The following DAAM2 variants were observed in gnomAD, a reference collection of about 807,000 sequenced individuals.
The protein encoded by DAAM2 is dishevelled associated activator of morphogenesis 2.
DAAM2 carries 39 observed loss-of-function variants against 120.7 expected under a neutral mutation model. The observed-to-expected ratio is 0.32, with a 90% confidence interval of 0.25 to 0.42. The LOEUF is 0.42. Among genes scored for constraint, DAAM2 ranks in the 10% least tolerant of loss-of-function variants. The pLI, the probability that DAAM2 is intolerant of heterozygous loss-of-function variation, is 1.00. For missense variants in DAAM2, 1,283 were observed against 1,401.7 expected (o/e 0.92, Z 1.35); for synonymous variants, 488 against 524.9 (o/e 0.93, Z 0.96).
At chr6:39,863,511 A>G (rs1408636646) in intron 3 of DAAM2, among the ~76,000 whole-genome samples, 1 of 152,088 alleles carries the variant, frequency 6.6e-6, no homozygotes, top group East Asian at 1.9e-4. Flanking sequence ...GTGTTTTGTC[A>G]GGGAGGGTCT....
intron 1 of DAAM2, among the ~76,000 whole-genome samples, chr6:39,836,404 G>A (rs73428574): frequency 3.5e-4 from 53 of 152,272 alleles, no homozygotes; most frequent in African/African-American, 1.3e-3. Context: ...GCACCACCCT[G>A]GGTGCCTTAT....
Position 39,879,459 on chromosome 6 carries a change from C to T in DAAM2, c.1827C>T (p.Asn609=), listed in dbSNP as rs780760272. ...CTTCTCACCCACTGAAGTCCTTCAACTGGGTGAAGCTGAATGAGGTGAGCA... is the reference window on the plus strand; with the variant it reads ...CTTCTCACCCACTGAAGTCCTTCAATTGGGTGAAGCTGAATGAGGTGAGCA... ...PQPSHPLKSF[N]WVKLNEERVP... Residue 609 remains asparagine, a synonymous_variant, in exon 14 of 25, where the codon AAC becomes AAT. Transcript: ENST00000274867. 1 of 1,614,036 alleles carries T rather than the reference C, an allele frequency of 6.2e-7. No individual in the cohort carries two copies. The highest frequency in any genetic ancestry group is 1.3e-5 in the African/African-American group (1 of 75,066).
chr6:39,846,745 C>T (rs1224903091), intron 1 of DAAM2, among the ~76,000 whole-genome samples: 1 of 151,118 alleles, frequency 6.6e-6, no homozygotes, highest in African/African-American at 2.4e-5. Flanking sequence ...TGCCCCACAT[C>T]CACACTTTAT....
rs371921284 is a variant in DAAM2, at chr6:39,860,955, C to T, written c.196C>T (p.Arg66Ter). Residue 66 changes from arginine (R) to a stop codon, truncating the protein, a stop_gained, in exon 3 of 25, where the codon CGA (arginine) becomes TGA (stop). Coordinates refer to ENST00000274867, the MANE Select transcript of DAAM2 (RefSeq NM_001201427.2). LOFTEE classifies it high-confidence loss of function. ...VDELDLTDKNREAMFALPPEK... is the reference protein window; with the variant it reads ...VDELDLTDKN ...TGAATTGGATCTCACTGACAAAAAC[C>T]GAGAGGCTATGTTTGCACTGCCCCC... 1.2e-6 allele frequency: 2 copies of T among 1,613,254 alleles called. No homozygotes were observed. Among genetic ancestry groups the T allele is most frequent in the Non-Finnish European group, 1.7e-6 (2 of 1,179,646 alleles).
Position 39,900,123 on chromosome 6 carries a change from T to C in DAAM2, c.2726T>C (p.Phe909Ser), listed in dbSNP as rs1382590156. ...CAGGTACGGGAGCCCAGTGACAAGT[T>C]TGTCCCTGTCATGAGCGACTTCATC... ...RRQVREPSDK[F>S]VPVMSDFITV... Residue 909 changes from phenylalanine to serine, a missense_variant, in exon 23 of 25, where the codon TTT (phenylalanine) becomes TCT (serine). Around this residue, in one of 3 missense-constraint regions of DAAM2, gnomAD observed 748 missense variants for 768.6 expected, o/e 0.97. Coordinates refer to ENST00000274867, the MANE Select transcript of DAAM2 (RefSeq NM_001201427.2). The C allele has an allele frequency of 1.9e-6, 3 of 1,601,654 alleles. No homozygotes were observed. The highest frequency in any genetic ancestry group is 1.1e-5 in the South Asian group (1 of 88,476).
In DAAM2 at chr6:39,879,259, C is replaced by T. The variant is rs1765008882; in HGVS notation, c.1627C>T (p.Pro543Ser). Reference protein sequence around the residue: ...SSMTTNDLPPPPPPLPFACCP... With the variant: ...SSMTTNDLPPSPPPLPFACCP... ...AATGACAACCAATGACCTGCCTCCA[C>T]CCCCTCCTCCTCTGCCCTTTGCCTG... The change falls in exon 14 of 25, where the codon CCC (proline) becomes TCC (serine). Residue 543 changes from proline to serine, a missense_variant. Around this residue, in one of 3 missense-constraint regions of DAAM2, gnomAD observed 748 missense variants for 768.6 expected, o/e 0.97. Transcript: ENST00000274867. 1.3e-6 allele frequency: 2 copies of T among 1,533,736 alleles called. No individual in the cohort carries two copies. Among genetic ancestry groups the T allele is most frequent in the East Asian group, 2.4e-5 (1 of 41,198 alleles).
At chr6:39,850,183 G>A (rs1347176117) in intron 1 of DAAM2, among the ~76,000 whole-genome samples, 1 of 152,158 alleles carries the variant, frequency 6.6e-6, no homozygotes. Flanking sequence ...GAAGCCACTG[G>A]TCAGGACTCT....
intron 2 of DAAM2, among the ~76,000 whole-genome samples, chr6:39,859,252 C>T (rs1299993455): frequency 6.6e-6 from 1 of 152,154 alleles, no homozygotes; most frequent in African/African-American, 2.4e-5. Context: ...AGGTAGGACT[C>T]ACTGTGTAAA....
At chr6:39,870,965 T>C (rs141385707) in intron 8 of DAAM2, among the ~76,000 whole-genome samples, 415 of 152,320 alleles carry the variant, frequency 2.7e-3, no homozygotes, top group African/African-American at 9.4e-3. Flanking sequence ...GGACAGAGGA[T>C]GGATCCTTTT....
Position 39,861,030 on chromosome 6 carries a change from A to ACC in DAAM2, c.258+16_258+17dup. On this transcript the variant is annotated intron_variant, in intron 3 of 24. Coordinates refer to ENST00000274867, the MANE Select transcript of DAAM2 (RefSeq NM_001201427.2). Reference sequence around the variant, plus strand: ...CAGCAAGAAGAAGGTGCCCTCTCTGACCCCTCTGGCCACATCTCAGGGTTC... The same window carrying ACC: ...CAGCAAGAAGAAGGTGCCCTCTCTGACCCCCCTCTGGCCACATCTCAGGGTTC... 6.3e-7 allele frequency: 1 copy of ACC among 1,599,444 alleles called. No individual in the cohort carries two copies. The highest frequency in any genetic ancestry group is 8.5e-7 in the Non-Finnish European group (1 of 1,171,968).
At chr6:39,862,475 G>C (rs968109732) in intron 3 of DAAM2, 1 of 151,950 alleles carries the variant, frequency 6.6e-6, no homozygotes, top group Non-Finnish European at 1.5e-5. Flanking sequence ...CCTTAAGTTG[G>C]TCTCTTCTAC....
intron 1 of DAAM2, chr6:39,820,789 A>G (rs984080432): frequency 2.6e-5 from 4 of 152,280 alleles, no homozygotes; most frequent in African/African-American, 9.6e-5. Context: ...CTCATCTGTA[A>G]AATGGGAATA....
chr6:39,802,671 C>T (rs536185265), intron 1 of DAAM2, among the ~76,000 whole-genome samples: 1 of 152,292 alleles, frequency 6.6e-6, no homozygotes, highest in Non-Finnish European at 1.5e-5. Flanking sequence ...CTTTTGCTGT[C>T]TACTGCCTAC....
intron 1 of DAAM2, among the ~76,000 whole-genome samples, chr6:39,842,645 TAAATA>T (rs1295123386): frequency 9.2e-5 from 14 of 151,824 alleles, no homozygotes; most frequent in Admixed American, 9.2e-4. Context: ...AATAAATAAA[TAAATA>T]AAAATAAAAT....
intron 5 of DAAM2, among the ~76,000 whole-genome samples, chr6:39,866,594 G>GT (rs1475860655): frequency 1.3e-5 from 2 of 152,182 alleles, no homozygotes; most frequent in Non-Finnish European, 2.9e-5. Flanking sequence ...CAGAAATGAT[G>GT]TTTTAAATAA....
At chr6:39,838,067 G>T (rs1012463176) in intron 1 of DAAM2, among the ~76,000 whole-genome samples, 2 of 152,196 alleles carry the variant, frequency 1.3e-5, no homozygotes, top group African/African-American at 4.8e-5. Flanking sequence ...GTAGGGATTT[G>T]CAGAAGATCT....
intron 10 of DAAM2, among the ~76,000 whole-genome samples, chr6:39,874,258 A>T (rs1429555776): frequency 6.6e-6 from 1 of 152,228 alleles, no homozygotes; most frequent in Non-Finnish European, 1.5e-5. Flanking sequence ...GGTTGAGATA[A>T]AACATGTTCT....
intron 10 of DAAM2, among the ~76,000 whole-genome samples, chr6:39,874,843 C>G (rs1316007672): frequency 6.6e-6 from 1 of 152,160 alleles, no homozygotes. Context: ...CTTCTCTAAC[C>G]CATTTTGACT....
At chr6:39,899,241 C>G (rs148658520) in intron 22 of DAAM2, among the ~76,000 whole-genome samples, 1 of 152,302 alleles carries the variant, frequency 6.6e-6, no homozygotes, top group East Asian at 1.9e-4. Flanking sequence ...AATCCTCATC[C>G]CTTGACTGCC....
Sources: allele counts gnomAD v4.1 joint callset (sites outside exome capture counted in the v4.1 genomes callset), GRCh38; gene constraint gnomAD v4.1.1; regional missense constraint gnomAD v4.1.1; transcripts MANE v1.5; gene names NCBI Gene and HGNC (gene_info 2026-07-23, HGNC 2026-07-21).